STARD9: variants seen among roughly 807,000 people sequenced by gnomAD.
The protein encoded by STARD9 is stAR-related lipid transfer protein 9.
In STARD9, 346 loss-of-function variants were observed where a neutral mutation model predicts 399.8. The observed-to-expected ratio is 0.87, with a 90% CI of 0.79 to 0.95. STARD9 has a LOEUF of 0.95. Ranked by LOEUF, STARD9 falls within the 40% of genes least tolerant of loss-of-function variation. The probability of loss-of-function intolerance (pLI) is 0.00; values close to 1 mark genes in which losing one functional copy is unlikely to be tolerated. For synonymous variants in STARD9, 2,203 were observed against 2,143.5 expected, an observed-to-expected ratio of 1.03 and a Z score of -0.77; for missense variants, 5,832 against 5,667.5, an observed-to-expected ratio of 1.03 and a Z score of -0.93.
At position 42,713,661 on chromosome 15, in the gene STARD9, GTCTTT is replaced by G. The variant is rs559047960; in HGVS notation, c.13285-3009_13285-3005del. Among the ~76,000 whole-genome samples the G allele has an allele frequency of 1.2e-3, 182 of 152,180 alleles. 1 individual carries two copies. Among genetic ancestry groups the G allele is most frequent in the African/African-American group, 4.0e-3 (166 of 41,496 alleles). ...GTGTCTACTGAGATAATCTTACTGGGTCTTTTCTTTTATTAATATAGTGTATTGCA... is the reference window on the plus strand; with the variant it reads ...GTGTCTACTGAGATAATCTTACTGGGTCTTTTATTAATATAGTGTATTGCA... On this transcript the variant is annotated intron_variant, in intron 26 of 32. Transcript: ENST00000290607.
chr15:42,614,122 C>T (rs1415403508), intron 3 of STARD9, among the ~76,000 whole-genome samples: 1 of 151,990 alleles, frequency 6.6e-6, no homozygotes, highest in Non-Finnish European at 1.5e-5. Flanking sequence ...ACTGCCCTGA[C>T]CAACATGGTG....
Position 42,663,879 on chromosome 15 carries a change from A to G in STARD9, c.1138A>G (p.Ser380Gly), listed in dbSNP as rs1490854699. The G allele has an allele frequency of 3.9e-6, 6 of 1,537,018 alleles. No homozygotes were observed. The African/African-American group carries it at 8.2e-5, about 21-fold the overall frequency. The part of the protein sequence containing the change: ...ETMSTLRYAS[S>G]AKNIINKPRV... The stretch of plus-strand genomic sequence containing the variant: ...CATGAGCACACTGAGATATGCATCC[A>G]GTGCCAAAAACATTATCAACAAGCC... The change falls in exon 13 of 33, where the codon AGT becomes GGT. Residue 380 changes from serine (S) to glycine (G), a missense_variant. By Grantham distance (56) the Ser-to-Gly change is moderately conservative (BLOSUM62 0). Around this residue, in one of 2 missense-constraint regions of STARD9, gnomAD observed 5,828 missense variants for 5,651.1 expected, o/e 1.03. Transcript: ENST00000290607.
chr15:42,644,491 TAA>T (rs767417951), intron 7 of STARD9, among the ~76,000 whole-genome samples: 4 of 142,032 alleles, frequency 2.8e-5, no homozygotes, highest in African/African-American at 2.6e-5. Flanking sequence ...AGACTCCGTC[TAA>T]AAAAAAAAAA....
At chr15:42,626,554 G>T (rs1283997216) in intron 3 of STARD9, among the ~76,000 whole-genome samples, 1 of 149,628 alleles carries the variant, frequency 6.7e-6, no homozygotes, top group Non-Finnish European at 1.5e-5. Context: ...AGGCTGGAGC[G>T]CAGTGGCGCG....
intron 3 of STARD9, among the ~76,000 whole-genome samples, chr15:42,590,304 A>G (rs912672441): frequency 2.0e-5 from 3 of 152,146 alleles, no homozygotes; most frequent in African/African-American, 4.8e-5. Context: ...CCCAGAAGGA[A>G]TCTCATGACT....
At position 42,690,265 on chromosome 15, in the gene STARD9, G is replaced by A. The variant is rs1344268598; in HGVS notation, c.8687G>A (p.Arg2896Lys). 2.0e-6 allele frequency: 3 copies of A among 1,537,388 alleles called. No individual in the cohort carries two copies. Among genetic ancestry groups the A allele is most frequent in the Non-Finnish European group, 2.6e-6 (3 of 1,146,954 alleles). Residue 2896 changes from arginine (R) to lysine (K), a missense_variant, in exon 23 of 33, where the codon AGG becomes AAG. Physicochemically the swap from Arg to Lys is conservative, Grantham distance 26 (BLOSUM62 2). Coordinates refer to ENST00000290607, the MANE Select transcript of STARD9 (RefSeq NM_020759.3). ...TGCAGGGCTGGCAGCAAACATTCCA[G>A]GCCAATTCCACTGCCAGATCAAAGA... is the stretch of plus-strand genomic sequence containing the variant. Reference protein sequence around the residue: ...EVCRAGSKHSRPIPLPDQRPS... With the variant: ...EVCRAGSKHSKPIPLPDQRPS...
chr15:42,690,918 C>G lies in STARD9; in HGVS notation c.9340C>G (p.Gln3114Glu), dbSNP rs1028230496. The G allele has an allele frequency of 5.2e-6, 8 of 1,537,014 alleles. No homozygotes were observed. The highest frequency in any genetic ancestry group is 6.1e-6 in the Non-Finnish European group (7 of 1,146,890). The change falls in exon 23 of 33, where the codon CAG becomes GAG. Residue 3114 changes from glutamine to glutamate, a missense_variant. Physicochemically the swap from Gln to Glu is conservative, Grantham distance 29. Transcript: ENST00000290607. Reference sequence around the variant, plus strand: ...AGGCATGTACTCTGAGCCCCTGAGGCAGTTTAGGGACAGCTCTGTAGGTGA... The same window carrying G: ...AGGCATGTACTCTGAGCCCCTGAGGGAGTTTAGGGACAGCTCTGTAGGTGA... ...PAGMYSEPLR[Q>E]FRDSSVGDQN...
At chr15:42,719,434 A>G (rs1193446687) in intron 32 of STARD9, 39 bp from the exon 33 acceptor site, 1 of 1,367,408 alleles carries the variant, frequency 7.3e-7, no homozygotes. Flanking sequence ...ATTCTCTCAA[A>G]TCTATTTGCA....
At chr15:42,662,256 A>G (rs1021745380) in intron 10 of STARD9, among the ~76,000 whole-genome samples, 14 of 152,254 alleles carry the variant, frequency 9.2e-5, no homozygotes, top group Non-Finnish European at 1.6e-4. Flanking sequence ...TAATGTGATC[A>G]CAAGAAAGGG....
At chr15:42,705,276 C>G (rs919983019) in intron 26 of STARD9, among the ~76,000 whole-genome samples, 1 of 152,162 alleles carries the variant, frequency 6.6e-6, no homozygotes, top group African/African-American at 2.4e-5. Context: ...TCTTCTTCTC[C>G]TTGTAAAATC....
chr15:42,661,148 TC>T lies in STARD9; in HGVS notation c.703-9del. 1 of 1,532,514 alleles carries T rather than the reference TC, an allele frequency of 6.5e-7. No homozygotes were observed. The highest frequency in any genetic ancestry group is 1.4e-5 in the African/African-American group (1 of 73,040). The allele number at this position is 1,532,514 out of a possible 1,614,324, so 94.9% of individuals were successfully genotyped here. ...TCCAAATGACAGGCTTTAAATGTTT[TC>T]TCCTCTAGGCAATCCTGGAGAACAA... is the stretch of plus-strand genomic sequence containing the variant. On this transcript the variant is annotated splice_polypyrimidine_tract_variant and intron_variant, in intron 9 of 32. Transcript: ENST00000290607.
In STARD9 at chr15:42,691,253, CT is replaced by C. The variant is rs1484072278; in HGVS notation, c.9677del (p.Phe3226SerfsTer5). ...RDQASGGGEG[F>X]AQGVNPLPDE... ...ACCAGGCTTCAGGTGGTGGAGAAGG[CT>C]TCGCCCAGGGTGTGAATCCCCTTCC... is the stretch of plus-strand genomic sequence containing the variant. On this transcript the variant is annotated frameshift_variant, in exon 23 of 33. Coordinates refer to ENST00000290607, the MANE Select transcript of STARD9 (RefSeq NM_020759.3). LOFTEE classifies it high-confidence loss of function. 1 of 1,537,148 alleles carries C rather than the reference CT, an allele frequency of 6.5e-7. No homozygotes were observed. The highest frequency in any genetic ancestry group is 1.4e-5 in the African/African-American group (1 of 73,050).
chr15:42,690,842 G>A lies in STARD9; in HGVS notation c.9264G>A (p.Lys3088=). The change falls in exon 23 of 33, where the codon AAG becomes AAA. Residue 3088 remains lysine (K), a synonymous_variant. Coordinates refer to ENST00000290607, the MANE Select transcript of STARD9 (RefSeq NM_020759.3). ...SVGLIGVPEK[K]VAEKQASTEL... ...GGTTAATAGGGGTTCCTGAGAAAAA[G>A]GTTGCTGAGAAGCAAGCAAGCACAG... is the stretch of plus-strand genomic sequence containing the variant. 1 of 1,537,200 alleles carries A rather than the reference G, an allele frequency of 6.5e-7. No individual in the cohort carries two copies. Among genetic ancestry groups the A allele is most frequent in the Non-Finnish European group, 8.7e-7 (1 of 1,146,910 alleles).
At chr15:42,632,093 A>G (rs900021437) in intron 3 of STARD9, among the ~76,000 whole-genome samples, 1 of 152,134 alleles carries the variant, frequency 6.6e-6, no homozygotes, top group East Asian at 1.9e-4. Context: ...AGCTCTAATA[A>G]TATTTGCTTT....
intron 26 of STARD9, among the ~76,000 whole-genome samples, chr15:42,708,673 T>G (rs976497210): frequency 2.6e-5 from 4 of 151,958 alleles, no homozygotes; most frequent in African/African-American, 7.2e-5. Flanking sequence ...GTTTCTTGCT[T>G]TTTTTCTTTT....
rs528266388 is a variant in STARD9, at chr15:42,709,456, G to A, written c.13285-7221G>A. Among the ~76,000 whole-genome samples, 8 of 152,340 alleles carry A rather than the reference G, an allele frequency of 5.3e-5. No individual in the cohort carries two copies. In the East Asian group the frequency reaches 1.5e-3, roughly 29 times the overall value. On this transcript the variant is annotated intron_variant, in intron 26 of 32. Transcript: ENST00000290607. ...AATCCCAGCACTTTGGGAGGCAGAGGCGGGCGGATCACGAGGTCAGGAGTT... is the reference window on the plus strand; with the variant it reads ...AATCCCAGCACTTTGGGAGGCAGAGACGGGCGGATCACGAGGTCAGGAGTT...
Position 42,688,983 on chromosome 15 carries a change from G to A in STARD9, c.7405G>A (p.Ala2469Thr), listed in dbSNP as rs1017964640. Reference sequence around the variant, plus strand: ...AGATTTTGCTTCTGAAGCCGAGGTGGCTGTACAAAAAGAAATAAGAGTCAG... The same window carrying A: ...AGATTTTGCTTCTGAAGCCGAGGTGACTGTACAAAAAGAAATAAGAGTCAG... The part of the protein sequence containing the change: ...SEDFASEAEV[A>T]VQKEIRVSSL... The change falls in exon 23 of 33, where the codon GCT becomes ACT. Residue 2469 changes from alanine (A) to threonine (T), a missense_variant. Ala to Thr is a moderately conservative substitution (Grantham distance 58). Around this residue, in one of 2 missense-constraint regions of STARD9, gnomAD observed 5,828 missense variants for 5,651.1 expected, o/e 1.03. Coordinates refer to ENST00000290607, the MANE Select transcript of STARD9 (RefSeq NM_020759.3). The A allele has an allele frequency of 1.8e-5, 27 of 1,537,268 alleles. No individual in the cohort carries two copies. The highest frequency in any genetic ancestry group is 2.0e-5 in the Non-Finnish European group (23 of 1,146,948).
In STARD9 at chr15:42,597,996, A is replaced by ATGTG. The variant is rs1267453797; in HGVS notation, c.234+12360_234+12361insGTGT. Among the ~76,000 whole-genome samples, 212 of 43,962 alleles carry ATGTG rather than the reference A, an allele frequency of 4.8e-3. 5 individuals carry two copies. In the East Asian group the frequency reaches 0.055, roughly 11 times the overall value. 28.8% of individuals were successfully genotyped at this position (43,962 alleles called of 152,430 possible). A position where few individuals can be genotyped will look rare whatever the true frequency, so the allele number is the denominator to read the frequency against. On this transcript the variant is annotated intron_variant, in intron 3 of 32. Transcript: ENST00000290607. ...TGTGTGTGTGTGTGTGTTTGTATAT[A>ATGTG]TATATGTGTGTGTGTGTGTGTGTGT...
In STARD9 at chr15:42,685,746, A is replaced by T; in HGVS notation, c.4168A>T (p.Thr1390Ser). 2.6e-6 allele frequency: 4 copies of T among 1,537,348 alleles called. No individual in the cohort carries two copies. The highest frequency in any genetic ancestry group is 3.5e-6 in the Non-Finnish European group (4 of 1,146,920). Residue 1390 changes from threonine (T) to serine (S), a missense_variant, in exon 23 of 33, where the codon ACG becomes TCG. Physicochemically the swap from Thr to Ser is moderately conservative, Grantham distance 58 (BLOSUM62 1). Coordinates refer to ENST00000290607, the MANE Select transcript of STARD9 (RefSeq NM_020759.3). ...TEELKPSDAE[T>S]VLPYSSKLHQ... ...GGAACTAAAGCCATCAGATGCAGAA[A>T]CGGTTCTGCCATATAGCTCCAAACT...
Sources: gnomAD v4.1 joint callset for allele counts (sites outside exome capture counted in the v4.1 genomes callset) on GRCh38, gnomAD v4.1.1 for gene constraint, gnomAD v4.1.1 regional missense constraint, MANE v1.5 for transcripts, NCBI Gene and HGNC (gene_info 2026-07-23, HGNC 2026-07-21) for gene names.